The following DAB1 variants were observed in gnomAD, a reference collection of about 807,000 sequenced individuals.
The protein encoded by DAB1 is DAB adaptor protein 1.
In DAB1, 15 loss-of-function variants were observed where a neutral mutation model predicts 64.6. The ratio of observed to expected loss-of-function variants is 0.23; its 90% CI spans 0.16 to 0.36. The LOEUF is 0.36. Among genes scored for constraint, DAB1 ranks in the 10% least tolerant of loss-of-function variants. The probability of loss-of-function intolerance (pLI) is 1.00; values close to 1 mark genes in which losing one functional copy is unlikely to be tolerated. For synonymous variants in DAB1, 235 were observed against 251.9 expected (o/e 0.93, Z 0.64); for missense variants, 596 against 706.7 (o/e 0.84, Z 1.78).
At chr1:58,488,701 C>T (rs553957965) in intron 3 of DAB1, among the ~76,000 whole-genome samples, 4 of 152,288 alleles carry the variant, frequency 2.6e-5, no homozygotes, top group East Asian at 3.9e-4. Context: ...TCTCCTGCCT[C>T]GGCCTCCAAA....
intron 4 of DAB1, among the ~76,000 whole-genome samples, chr1:58,290,869 A>G (rs569769845): frequency 3.3e-5 from 5 of 152,278 alleles, no homozygotes; most frequent in African/African-American, 9.6e-5. Context: ...TTTCAGTACC[A>G]TGGAGAGGTG....
At chr1:57,587,284 C>T (rs1400877418) in intron 7 of DAB1, among the ~76,000 whole-genome samples, 3 of 152,140 alleles carry the variant, frequency 2.0e-5, no homozygotes, top group Non-Finnish European at 1.5e-5. Flanking sequence ...CAGGGTTTCA[C>T]AGCTTGCTAA....
chr1:57,388,563 G>C (rs1682080498), intron 1 of DAB1, among the ~76,000 whole-genome samples: 1 of 152,050 alleles, frequency 6.6e-6, no homozygotes, highest in South Asian at 2.1e-4. Flanking sequence ...CCCCTCTCCT[G>C]GGCCTCTCCA....
chr1:57,106,945 A>G (rs1393639241), intron 4 of DAB1, among the ~76,000 whole-genome samples: 1 of 152,184 alleles, frequency 6.6e-6, no homozygotes, highest in Non-Finnish European at 1.5e-5. Context: ...GTCTCAGGGA[A>G]AGTTCTATCT....
intron 5 of DAB1, among the ~76,000 whole-genome samples, chr1:58,072,010 T>C (rs567126412): frequency 4.0e-4 from 53 of 134,130 alleles, no homozygotes; most frequent in African/African-American, 1.5e-3. Context: ...AATTAAAATA[T>C]ACCATGTTAG....
chr1:57,760,891 C>A (rs1649056427), intron 6 of DAB1, among the ~76,000 whole-genome samples: 1 of 152,142 alleles, frequency 6.6e-6, no homozygotes, highest in Non-Finnish European at 1.5e-5. Context: ...ATCCTCTTGG[C>A]CAAAGGAAGT....
At chr1:57,411,807 A>T (rs927065794) in intron 1 of DAB1, among the ~76,000 whole-genome samples, 1 of 152,174 alleles carries the variant, frequency 6.6e-6, no homozygotes, top group African/African-American at 2.4e-5. Context: ...GTGCTAAGTC[A>T]CCCACAGTCC....
At chr1:57,057,798 C>T (rs1313646) in intron 9 of DAB1, among the ~76,000 whole-genome samples, 69,368 of 151,272 alleles carry the variant, frequency 0.46, 16,360 homozygotes, top group East Asian at 0.72. Flanking sequence ...TTAGTAGAGA[C>T]GGGGTTTCAC....
At chr1:57,734,581 C>CT (rs944476899) in intron 6 of DAB1, among the ~76,000 whole-genome samples, 1 of 151,948 alleles carries the variant, frequency 6.6e-6, no homozygotes, top group African/African-American at 2.4e-5. Context: ...TTCATAATAC[C>CT]TTTTTTACCT....
intron 7 of DAB1, among the ~76,000 whole-genome samples, chr1:57,453,884 G>A (rs1001329999): frequency 2.0e-5 from 3 of 152,084 alleles, no homozygotes; most frequent in African/African-American, 4.8e-5. Context: ...GAAAAAAGAA[G>A]AAAGACAAAA....
chr1:58,453,108 C>T (rs147685915), intron 3 of DAB1, among the ~76,000 whole-genome samples: 2 of 152,140 alleles, frequency 1.3e-5, no homozygotes, highest in Non-Finnish European at 2.9e-5. Context: ...TCAAAGGCAT[C>T]GTGCTGAGTG....
In DAB1 at chr1:57,376,337, A is replaced by G. The variant is rs371002765; in HGVS notation, c.-137+47593T>C. ...ATCCCATCTAGACTTAGCCTTGCAC[A>G]CTGCTGGGAACTGTCACAGTTAAGC... is the stretch of plus-strand genomic sequence containing the variant. On this transcript the variant is annotated intron_variant, in intron 1 of 14. Transcript: ENST00000371236. 1.4e-4 allele frequency among the ~76,000 whole-genome samples: 21 copies of G among 152,326 alleles called. No homozygotes were observed. In the East Asian group the frequency reaches 3.3e-3, roughly 24 times the overall value.
At chr1:57,667,119 G>A (rs544961725) in intron 6 of DAB1, among the ~76,000 whole-genome samples, 1 of 152,168 alleles carries the variant, frequency 6.6e-6, no homozygotes, top group East Asian at 1.9e-4. Flanking sequence ...TTTTGCATTG[G>A]GTATTCCATC....
intron 1 of DAB1, among the ~76,000 whole-genome samples, chr1:57,391,012 C>T (rs1682305863): frequency 6.6e-6 from 1 of 152,170 alleles, no homozygotes. Flanking sequence ...CTCCCAGTGG[C>T]CATGCTTTTT....
At chr1:57,944,838 C>T (rs987264299) in intron 5 of DAB1, among the ~76,000 whole-genome samples, 1 of 152,082 alleles carries the variant, frequency 6.6e-6, no homozygotes, top group Non-Finnish European at 1.5e-5. Context: ...CATGCCACCT[C>T]ACACTGTTAG....
At chr1:57,363,278 C>T (rs1679701554) in intron 1 of DAB1, among the ~76,000 whole-genome samples, 1 of 152,132 alleles carries the variant, frequency 6.6e-6, no homozygotes, top group Non-Finnish European at 1.5e-5. Context: ...ACACTCTCTA[C>T]AGACAAGTGC....
At chr1:57,488,129 C>T (rs1033108931) in intron 7 of DAB1, among the ~76,000 whole-genome samples, 1 of 152,062 alleles carries the variant, frequency 6.6e-6, no homozygotes, top group Non-Finnish European at 1.5e-5. Context: ...GGGGGCCAGA[C>T]ACGGCGGCTC....
chr1:57,542,870 A>G (rs1644817757), intron 7 of DAB1, among the ~76,000 whole-genome samples: 1 of 152,144 alleles, frequency 6.6e-6, no homozygotes, highest in South Asian at 2.1e-4. Flanking sequence ...AGATTAGGTT[A>G]TAAAAAGCCC....
intron 2 of DAB1, among the ~76,000 whole-genome samples, chr1:57,199,085 G>T (rs1482665509): frequency 6.6e-6 from 1 of 152,172 alleles, no homozygotes; most frequent in Non-Finnish European, 1.5e-5. Flanking sequence ...ACAGGAACCT[G>T]AGGCTGGGGG....
Sources: gnomAD v4.1 joint callset for allele counts (sites outside exome capture counted in the v4.1 genomes callset) on GRCh38, gnomAD v4.1.1 for gene constraint, MANE v1.5 for transcripts, NCBI Gene and HGNC (gene_info 2026-07-23, HGNC 2026-07-21) for gene names.